ASH1L: variants seen among roughly 807,000 people sequenced by gnomAD.
ASH1L encodes histone-lysine N-methyltransferase ASH1L.
Under a neutral mutation model 269.0 loss-of-function variants are expected in ASH1L, and 23 were observed. That is an observed-to-expected ratio of 0.09 (90% CI 0.06 to 0.12). ASH1L has a LOEUF of 0.12. Ranked by LOEUF, ASH1L falls within the 10% of genes least tolerant of loss-of-function variation. The probability of loss-of-function intolerance (pLI) is 1.00; values close to 1 mark genes in which losing one functional copy is unlikely to be tolerated. For missense variants in ASH1L, 2,912 were observed against 3,567.8 expected (o/e 0.82, Z 4.68); for synonymous variants, 1,187 against 1,253.5 (o/e 0.95, Z 1.12).
At chr1:155,433,783 G>A in intron 5 of ASH1L, 1 of 1,605,766 alleles carries the variant, frequency 6.2e-7, no homozygotes, top group Non-Finnish European at 8.5e-7. Flanking sequence ...GTAAGCTGCG[G>A]CCCTTGCTGC....
Position 155,479,885 on chromosome 1 carries a change from C to G in ASH1L, c.2985G>C (p.Lys995Asn). ...TTGAAAGAATCTGATTCAACAGTTT[C>G]TTTCTCTTTAAAGTCTTCATTTTAT... ...KINKMKTLKR[K>N]KLLNQILSSS... The change falls in exon 3 of 28, where the codon AAG becomes AAC. Residue 995 changes from lysine to asparagine, a missense_variant. This residue lies in a region of ASH1L where 715 missense variants were observed against 721.0 expected (regional missense o/e 0.99). Coordinates refer to ENST00000392403, the MANE Select transcript of ASH1L (RefSeq NM_018489.3). 6.2e-7 allele frequency: 1 copy of G among 1,613,230 alleles called. No homozygotes were observed. The highest frequency in any genetic ancestry group is 8.5e-7 in the Non-Finnish European group (1 of 1,179,664).
Position 155,553,509 on chromosome 1 carries a change from A to C in ASH1L, c.-100+8644T>G, listed in dbSNP as rs537947826. Among the ~76,000 whole-genome samples, 155 of 152,284 alleles carry C rather than the reference A, an allele frequency of 1.0e-3. 1 individual carries two copies. The highest frequency in any genetic ancestry group is 1.6e-3 in the Non-Finnish European group (108 of 68,022). ...ATGGGTTGAAAATTTACCGATCCAA[A>C]TTACAGTGCACTCATCCTGCTGTGT... On this transcript the variant is annotated intron_variant, in intron 1 of 27. Coordinates refer to ENST00000392403, the MANE Select transcript of ASH1L (RefSeq NM_018489.3).
chr1:155,450,175 G>C (rs1180308596), intron 4 of ASH1L, among the ~76,000 whole-genome samples: 1 of 152,124 alleles, frequency 6.6e-6, no homozygotes, highest in Non-Finnish European at 1.5e-5. Flanking sequence ...GTGTTTGTAT[G>C]TATGTGTTTT....
At chr1:155,548,126 T>C (rs1022835971) in intron 1 of ASH1L, among the ~76,000 whole-genome samples, 12 of 150,928 alleles carry the variant, frequency 8.0e-5, no homozygotes, top group African/African-American at 2.9e-4. Context: ...TGAGAACACA[T>C]GAACACAGGG....
Position 155,338,370 on chromosome 1 carries a change from C to A in ASH1L, c.8522G>T (p.Arg2841Leu), listed in dbSNP as rs779448272. ...NGGRSSWKSE[R>L]SKPPLKDLGQ... ...CAAGTCTTTTAGGGGTGGCTTTGAGCGCTCAGACTTCCAGGATGATCTGCC... is the reference window on the plus strand; with the variant it reads ...CAAGTCTTTTAGGGGTGGCTTTGAGAGCTCAGACTTCCAGGATGATCTGCC... Residue 2841 changes from arginine to leucine, a missense_variant, in exon 27 of 28, where the codon CGC becomes CTC. Transcript: ENST00000392403. The A allele has an allele frequency of 6.2e-7, 1 of 1,612,982 alleles. No individual in the cohort carries two copies. The highest frequency in any genetic ancestry group is 1.7e-5 in the Admixed American group (1 of 59,902).
chr1:155,351,870 A>AAAAT (rs752475539), intron 17 of ASH1L, among the ~76,000 whole-genome samples: 4 of 151,626 alleles, frequency 2.6e-5, no homozygotes, highest in Non-Finnish European at 4.4e-5. Flanking sequence ...AAAGTAAAAT[A>AAAAT]AAATAAATAA....
At chr1:155,468,495 T>C (rs910314542) in intron 3 of ASH1L, among the ~76,000 whole-genome samples, 2 of 152,188 alleles carry the variant, frequency 1.3e-5, no homozygotes, top group South Asian at 2.1e-4. Context: ...TAAGGAAGAT[T>C]TGCTTCTTTT....
chr1:155,454,772 T>TAATA (rs202144102), intron 4 of ASH1L, among the ~76,000 whole-genome samples: 3,180 of 151,922 alleles, frequency 0.021, 103 homozygotes, highest in African/African-American at 0.072. Context: ...CTGTCAAAAA[T>TAATA]AATAAATAAA....
chr1:155,554,147 C>T lies in ASH1L; in HGVS notation c.-100+8006G>A, dbSNP rs548675940. Among the ~76,000 whole-genome samples the T allele has an allele frequency of 6.1e-4, 92 of 150,678 alleles. 1 individual carries two copies. In the South Asian group the frequency reaches 0.016, roughly 27 times the overall value. ...TCACACAGGCTGGAGTAGAGTGGTG[C>T]GATTACAGTTTACTGCAGCCTCAAT... On this transcript the variant is annotated intron_variant, in intron 1 of 27. Transcript: ENST00000392403.
intron 1 of ASH1L, among the ~76,000 whole-genome samples, chr1:155,560,904 C>T (rs2148933441): frequency 6.6e-6 from 1 of 152,104 alleles, no homozygotes; most frequent in South Asian, 2.1e-4. Flanking sequence ...GTTCCACATA[C>T]ATATCTGACA....
intron 13 of ASH1L, among the ~76,000 whole-genome samples, chr1:155,358,978 C>T (rs183250009): frequency 1.7e-4 from 26 of 152,014 alleles, no homozygotes; most frequent in Non-Finnish European, 3.1e-4. Context: ...AAATTAGCGA[C>T]GCACAGTGGT....
At chr1:155,431,208 A>G (rs190741099) in intron 5 of ASH1L, among the ~76,000 whole-genome samples, 8 of 151,426 alleles carry the variant, frequency 5.3e-5, no homozygotes, top group South Asian at 2.1e-4. Flanking sequence ...CCGTCTCAAC[A>G]ACAACAAAAA....
intron 2 of ASH1L, among the ~76,000 whole-genome samples, chr1:155,517,281 T>C (rs976952336): frequency 6.6e-6 from 1 of 152,046 alleles, no homozygotes. Context: ...GCCCAGGAGT[T>C]TGAGGCTGCA....
At chr1:155,471,508 C>T (rs1450203234) in intron 3 of ASH1L, among the ~76,000 whole-genome samples, 1 of 152,210 alleles carries the variant, frequency 6.6e-6, no homozygotes, top group Non-Finnish European at 1.5e-5. Context: ...AAACTCTGGA[C>T]ACTGAGGTTC....
At chr1:155,416,606 T>A (rs183040779) in intron 5 of ASH1L, among the ~76,000 whole-genome samples, 10 of 150,558 alleles carry the variant, frequency 6.6e-5, no homozygotes, top group Non-Finnish European at 1.5e-4. Context: ...CATGATCTCA[T>A]CTCACTGCAA....
In ASH1L at chr1:155,480,565, A is replaced by T; in HGVS notation, c.2305T>A (p.Phe769Ile). The T allele has an allele frequency of 3.1e-6, 5 of 1,614,138 alleles. No homozygotes were observed. Among genetic ancestry groups the T allele is most frequent in the Non-Finnish European group, 4.2e-6 (5 of 1,179,994 alleles). The stretch of plus-strand genomic sequence containing the variant: ...CGTTTAAGGAAGTCATGATCTACAA[A>T]TGAAGGGGGTCCAATGTTTTTCATA... ...KFMKNIGPPS[F>I]VDHDFLKRRL... is the part of the protein sequence containing the mutation. The change falls in exon 3 of 28, where the codon TTT becomes ATT. Residue 769 changes from phenylalanine (F) to isoleucine (I), a missense_variant. Around this residue, in one of 13 missense-constraint regions of ASH1L, gnomAD observed 715 missense variants for 721.0 expected, o/e 0.99. Transcript: ENST00000392403.
chr1:155,483,246 A>G (rs1396502085), intron 2 of ASH1L, among the ~76,000 whole-genome samples: 1 of 152,228 alleles, frequency 6.6e-6, no homozygotes, highest in Non-Finnish European at 1.5e-5. Context: ...GTTTGTGGAT[A>G]GGAAGACATA....
rs1431866777 is a variant in ASH1L, at chr1:155,406,297, C to A, written c.6008+9447G>T. ...TGCATTTTTTGCAGAAATAGATAAG[C>A]TGATCCTAAAAAATCACAGAGAAAT... On this transcript the variant is annotated intron_variant, in intron 6 of 27. Transcript: ENST00000392403. Among the ~76,000 whole-genome samples the A allele has an allele frequency of 2.0e-5, 3 of 150,934 alleles. No individual in the cohort carries two copies. The East Asian group carries it at 5.8e-4, about 29-fold the overall frequency.
At chr1:155,513,196 G>A (rs1668283610) in intron 2 of ASH1L, among the ~76,000 whole-genome samples, 1 of 152,128 alleles carries the variant, frequency 6.6e-6, no homozygotes, top group African/African-American at 2.4e-5. Flanking sequence ...ATACTTGTGA[G>A]TTCCTGGTGG....
Sources: allele counts gnomAD v4.1 joint callset (sites outside exome capture counted in the v4.1 genomes callset), GRCh38; gene constraint gnomAD v4.1.1; regional missense constraint gnomAD v4.1.1; transcripts MANE v1.5; gene names NCBI Gene and HGNC (gene_info 2026-07-23, HGNC 2026-07-21).